The following LTN1 variants were observed in gnomAD, a reference collection of about 807,000 sequenced individuals.
LTN1 encodes E3 ubiquitin-protein ligase listerin.
In LTN1, 88 loss-of-function variants were observed where a neutral mutation model predicts 201.2. The observed-to-expected ratio is 0.44, with a 90% CI of 0.37 to 0.52. The LOEUF (loss-of-function observed/expected upper bound fraction) is 0.52. Among genes scored for constraint, LTN1 ranks in the 20% least tolerant of loss-of-function variants. The pLI is 0.00. For missense variants in LTN1, 1,752 were observed against 2,038.7 expected (o/e 0.86, Z 2.71); for synonymous variants, 645 against 713.5 (o/e 0.90, Z 1.53).
chr21:28,940,666 G>T (rs964825329), intron 25 of LTN1, among the ~76,000 whole-genome samples: 1 of 152,096 alleles, frequency 6.6e-6, no homozygotes, highest in East Asian at 1.9e-4. Flanking sequence ...TGAAATAAAA[G>T]AACCTGGTGA....
Position 28,966,434 on chromosome 21 carries a change from T to C in LTN1, c.2057A>G (p.Tyr686Cys). The C allele has an allele frequency of 6.2e-7, 1 of 1,614,184 alleles. No individual in the cohort carries two copies. Among genetic ancestry groups the C allele is most frequent in the Non-Finnish European group, 8.5e-7 (1 of 1,180,014 alleles). The change falls in exon 10 of 30, where the codon TAC becomes TGC. Residue 686 changes from tyrosine (Y) to cysteine (C), a missense_variant. Around this residue, in one of 3 missense-constraint regions of LTN1, gnomAD observed 1,211 missense variants for 1,312.8 expected, o/e 0.92. Transcript: ENST00000361371. ...ATTGTCACAGCACCGGAGAGCACTG[T>C]ACAAAATGTCCACCAGGAAACCAAA... ...KDFGFLVDIL[Y>C]SALRCCDNDM...
At chr21:28,964,754 G>A (rs1245606473) in intron 11 of LTN1, 18 of 1,549,608 alleles carry the variant, frequency 1.2e-5, no homozygotes, top group East Asian at 9.8e-5. Context: ...TGCACTTCAC[G>A]GCAGGTACAT....
Position 28,959,703 on chromosome 21 carries a change from GA to G in LTN1, c.2354-7del. The G allele has an allele frequency of 8.9e-6, 14 of 1,580,348 alleles. No individual in the cohort carries two copies. Among genetic ancestry groups the G allele is most frequent in the Admixed American group, 3.8e-5 (2 of 52,704 alleles). On this transcript the variant is annotated splice_region_variant and splice_polypyrimidine_tract_variant and intron_variant, in intron 12 of 29. Coordinates refer to ENST00000361371, the MANE Select transcript of LTN1 (RefSeq NM_015565.3). ...TACGTCTCCAATCAAGTAATCTGGAGAAAAAAAGGTTCAAACAGACAAAAAA... is the reference window on the plus strand; with the variant it reads ...TACGTCTCCAATCAAGTAATCTGGAGAAAAAAGGTTCAAACAGACAAAAAA...
At chr21:28,933,310 C>T (rs1468356586) in intron 27 of LTN1, among the ~76,000 whole-genome samples, 2 of 152,182 alleles carry the variant, frequency 1.3e-5, no homozygotes, top group Non-Finnish European at 2.9e-5. Context: ...GTTACTGCCT[C>T]ACCCATGCCC....
intron 23 of LTN1, 53 bp from the exon 24 acceptor site, chr21:28,943,389 TC>T: frequency 8.7e-7 from 1 of 1,143,492 alleles, no homozygotes; most frequent in South Asian, 1.3e-5. Context: ...GTTTATTAAG[TC>T]GTGCTCAAGA....
chr21:28,972,602 G>A lies in LTN1; in HGVS notation c.811-1158C>T, dbSNP rs532365560. Among the ~76,000 whole-genome samples, 306 of 152,186 alleles carry A rather than the reference G, an allele frequency of 2.0e-3. 1 individual carries two copies. Among genetic ancestry groups the A allele is most frequent in the Non-Finnish European group, 3.4e-3 (233 of 68,012 alleles). On this transcript the variant is annotated intron_variant, in intron 6 of 29. Transcript: ENST00000361371. ...GAGAGAATCAGTGAACTAGAAGACC[G>A]AGCAAAAGAAATTATCCGCAAAGCA... is the stretch of plus-strand genomic sequence containing the variant.
At chr21:28,982,689 C>T (rs2084668241) in intron 4 of LTN1, among the ~76,000 whole-genome samples, 1 of 152,138 alleles carries the variant, frequency 6.6e-6, no homozygotes, top group South Asian at 2.1e-4. Flanking sequence ...CTTTCCTCTC[C>T]CCTCTTTCTG....
chr21:28,954,113 TAAAG>T (rs1213213231), intron 16 of LTN1, among the ~76,000 whole-genome samples: 1 of 152,132 alleles, frequency 6.6e-6, no homozygotes, highest in Non-Finnish European at 1.5e-5. Flanking sequence ...TCGATAAAAT[TAAAG>T]AAATAATATT....
At chr21:28,971,906 A>G (rs1470927781) in intron 6 of LTN1, among the ~76,000 whole-genome samples, 1 of 152,254 alleles carries the variant, frequency 6.6e-6, no homozygotes, top group African/African-American at 2.4e-5. Flanking sequence ...AAAGCAGAGC[A>G]GATCGGAAAA....
chr21:28,963,959 T>C (rs562642304), intron 11 of LTN1, among the ~76,000 whole-genome samples: 1 of 152,168 alleles, frequency 6.6e-6, no homozygotes, highest in African/African-American at 2.4e-5. Context: ...AGCCTCAAGA[T>C]GTGACTGAAA....
intron 11 of LTN1, 72 bp downstream of exon 11, chr21:28,965,793 A>C (rs2084516360): frequency 3.5e-6 from 3 of 847,768 alleles, no homozygotes; most frequent in African/African-American, 3.5e-5. Flanking sequence ...TATTGTGTAA[A>C]TAGGACTACG....
intron 25 of LTN1, among the ~76,000 whole-genome samples, chr21:28,937,367 T>A (rs1003795817): frequency 6.6e-6 from 1 of 152,202 alleles, no homozygotes; most frequent in African/African-American, 2.4e-5. Context: ...AAAGATATCA[T>A]TTTCTTTCCC....
chr21:28,957,007 C>A, intron 15 of LTN1, 59 bp from the exon 16 acceptor site: 1 of 1,064,880 alleles, frequency 9.4e-7, no homozygotes, highest in Non-Finnish European at 1.3e-6. Context: ...TGAGACTGAA[C>A]AAAAATGAAG....
intron 29 of LTN1, 62 bp downstream of exon 29, chr21:28,931,093 G>C: frequency 1.1e-6 from 1 of 925,784 alleles, no homozygotes; most frequent in Non-Finnish European, 1.7e-6. Flanking sequence ...GTGTGTGTGT[G>C]TGTGTGTTTA....
At position 28,936,588 on chromosome 21, in the gene LTN1, A is replaced by G. The variant is rs766845726; in HGVS notation, c.4592T>C (p.Val1531Ala). 2 of 1,614,036 alleles carry G rather than the reference A, an allele frequency of 1.2e-6. No homozygotes were observed. Among genetic ancestry groups the G allele is most frequent in the East Asian group, 2.2e-5 (1 of 44,870 alleles). ...PENPTYAETA[V>A]EVPNKDPKTF... The stretch of plus-strand genomic sequence containing the variant: ...TTTAGGGTCCTTATTTGGGACCTCA[A>G]CTGCTGTCTCTGCATAGGTTGGATT... The change falls in exon 26 of 30, where the codon GTT becomes GCT. Residue 1531 changes from valine (V) to alanine (A), a missense_variant. By Grantham distance (64) the Val-to-Ala change is moderately conservative. Around this residue, in one of 3 missense-constraint regions of LTN1, gnomAD observed 261 missense variants for 350.1 expected, o/e 0.75. Coordinates refer to ENST00000361371, the MANE Select transcript of LTN1 (RefSeq NM_015565.3).
At chr21:28,939,975 CA>C (rs1178094686) in intron 25 of LTN1, among the ~76,000 whole-genome samples, 2 of 152,096 alleles carry the variant, frequency 1.3e-5, no homozygotes, top group Non-Finnish European at 2.9e-5. Context: ...TGCAAAGATG[CA>C]AAAATTGATA....
chr21:28,943,391 G>T, intron 23 of LTN1, 55 bp from the exon 24 acceptor site: 1 of 1,089,074 alleles, frequency 9.2e-7, no homozygotes, highest in Non-Finnish European at 1.4e-6. Flanking sequence ...TTATTAAGTC[G>T]TGCTCAAGAG....
At chr21:28,956,265 T>G (rs1395897905) in intron 16 of LTN1, among the ~76,000 whole-genome samples, 1 of 152,184 alleles carries the variant, frequency 6.6e-6, no homozygotes, top group Non-Finnish European at 1.5e-5. Flanking sequence ...CTAGAAGATT[T>G]GAAATGTTCT....
intron 6 of LTN1, 69 bp downstream of exon 6, chr21:28,981,043 TAAACATA>T: frequency 1.1e-6 from 1 of 925,394 alleles, no homozygotes; most frequent in Non-Finnish European, 1.5e-6. Flanking sequence ...GTATAAACAA[TAAACATA>T]AAACATAAAC....
Sources: gnomAD v4.1 joint callset for allele counts (sites outside exome capture counted in the v4.1 genomes callset) on GRCh38, gnomAD v4.1.1 for gene constraint, gnomAD v4.1.1 regional missense constraint, MANE v1.5 for transcripts, NCBI Gene and HGNC (gene_info 2026-07-23, HGNC 2026-07-21) for gene names.